WSB2: variants seen among roughly 807,000 people sequenced by gnomAD.
WSB2 encodes the protein WD repeat and SOCS box containing 2.
In WSB2, 12 loss-of-function variants were observed where a neutral mutation model predicts 48.8. The ratio of observed to expected loss-of-function variants is 0.25; its 90% confidence interval spans 0.16 to 0.40. WSB2 has a LOEUF of 0.40. WSB2 is among the 10% of genes least tolerant of loss of function. The pLI is 1.00. For missense variants in WSB2, 317 were observed against 506.2 expected (o/e 0.63, Z 3.59); for synonymous variants, 191 against 203.1 (o/e 0.94, Z 0.51).
chr12:118,059,419 G>A (rs901811569), intron 1 of WSB2, among the ~76,000 whole-genome samples: 2 of 152,080 alleles, frequency 1.3e-5, no homozygotes, highest in African/African-American at 4.8e-5. Context: ...CATAGTAGAC[G>A]TTCAACAAAT....
chr12:118,055,726 T>C (rs916615945), intron 1 of WSB2, among the ~76,000 whole-genome samples: 1 of 150,218 alleles, frequency 6.7e-6, no homozygotes, highest in Non-Finnish European at 1.5e-5. Flanking sequence ...GAAATTCTTA[T>C]GCCTCAGCCT....
Position 118,034,574 on chromosome 12 carries a change from G to GCTCTCT in WSB2, c.1053-222_1053-217dup, listed in dbSNP as rs368693869. 1,926 of 529,474 alleles carry GCTCTCT rather than the reference G, an allele frequency of 3.6e-3. 25 individuals are homozygous for GCTCTCT. The highest frequency in any genetic ancestry group is 0.033 in the African/African-American group (1,718 of 51,858). 32.8% of individuals were successfully genotyped at this position (529,474 alleles called of 1,614,324 possible). A position where few individuals can be genotyped will look rare whatever the true frequency, so the allele number is the denominator to read the frequency against. ...CTCAAGACACCTGTGATACCAAAGC[G>GCTCTCT]CTCTCTCTGTCTCTCTCTCGGCACA... On this transcript the variant is annotated intron_variant, in intron 8 of 8. Coordinates refer to ENST00000315436, the MANE Select transcript of WSB2 (RefSeq NM_018639.5).
chr12:118,043,407 C>A, intron 2 of WSB2, 30 bp from the exon 3 acceptor site: 1 of 1,522,146 alleles, frequency 6.6e-7, no homozygotes, highest in South Asian at 1.3e-5. Context: ...CTTAATGAAT[C>A]TGCAATTGTT....
At chr12:118,048,599 G>A (rs1370413585) in intron 2 of WSB2, among the ~76,000 whole-genome samples, 1 of 149,620 alleles carries the variant, frequency 6.7e-6, no homozygotes, top group Non-Finnish European at 1.5e-5. Context: ...AAAAAAAAAT[G>A]TGATTTTTCT....
chr12:118,053,169 G>T (rs985808226), intron 1 of WSB2, among the ~76,000 whole-genome samples: 1 of 151,908 alleles, frequency 6.6e-6, no homozygotes, highest in Non-Finnish European at 1.5e-5. Flanking sequence ...GAAAGCTCCC[G>T]CCTGCCTACA....
intron 2 of WSB2, 98 bp downstream of exon 2, chr12:118,052,211 GC>G (rs1172966350): frequency 5.5e-6 from 8 of 1,467,438 alleles, no homozygotes; most frequent in Non-Finnish European, 7.3e-6. Flanking sequence ...TGAACCATGA[GC>G]CACCTTCCCT....
At position 118,061,128 on chromosome 12, in the gene WSB2, C is replaced by A; in HGVS notation, c.-80G>T. 1 of 980,870 alleles carries A rather than the reference C, an allele frequency of 1.0e-6. No individual in the cohort carries two copies. Among genetic ancestry groups the A allele is most frequent in the South Asian group, 4.6e-5 (1 of 21,882 alleles). 60.8% of individuals were successfully genotyped at this position (980,870 alleles called of 1,614,324 possible). On this transcript the variant is annotated 5_prime_UTR_variant, in exon 1 of 9. Coordinates refer to ENST00000315436, the MANE Select transcript of WSB2 (RefSeq NM_018639.5). The stretch of plus-strand genomic sequence containing the variant: ...GCGGGCCCTCATGCCGCCCCCGCGC[C>A]GCCCGCCCCGGCCAGGCCGCCGCCG...
At chr12:118,034,859 A>G in intron 8 of WSB2, 127 bp downstream of exon 8, 2 of 809,108 alleles carry the variant, frequency 2.5e-6, no homozygotes, top group Non-Finnish European at 3.9e-6. Context: ...TGAGTTTTAT[A>G]TAATCTTGAA....
intron 2 of WSB2, among the ~76,000 whole-genome samples, chr12:118,051,177 T>TA (rs1269500513): frequency 6.6e-6 from 1 of 151,792 alleles, no homozygotes; most frequent in Non-Finnish European, 1.5e-5. Context: ...GCTAGGATAA[T>TA]AAAAAAAGAC....
chr12:118,035,603 G>A, intron 6 of WSB2: 1 of 363,332 alleles, frequency 2.8e-6, no homozygotes, highest in Non-Finnish European at 5.0e-6. Flanking sequence ...AGTAGAAACT[G>A]CAAGTCTTTT....
intron 2 of WSB2, among the ~76,000 whole-genome samples, chr12:118,051,783 G>T (rs911855537): frequency 1.3e-5 from 2 of 152,206 alleles, no homozygotes. Flanking sequence ...AGACCAGCCT[G>T]GCCAACATGG....
At chr12:118,039,743 T>A (rs943178968) in intron 4 of WSB2, among the ~76,000 whole-genome samples, 22 of 151,886 alleles carry the variant, frequency 1.4e-4, no homozygotes, top group Admixed American at 2.6e-4. Flanking sequence ...ATTTCTTTTT[T>A]ATTTTTTTTT....
chr12:118,052,482 G>A lies in WSB2; in HGVS notation c.14-4C>T. The A allele has an allele frequency of 6.2e-7, 1 of 1,613,796 alleles. No individual in the cohort carries two copies. Among genetic ancestry groups the A allele is most frequent in the Non-Finnish European group, 8.5e-7 (1 of 1,179,972 alleles). Reference sequence around the variant, plus strand: ...TCGGCCAGCAGCAGCGGTTCCTCTGGGGCAGGAGACAACATGCTTCAAACA... The same window carrying A: ...TCGGCCAGCAGCAGCGGTTCCTCTGAGGCAGGAGACAACATGCTTCAAACA... On this transcript the variant is annotated splice_polypyrimidine_tract_variant and splice_region_variant and intron_variant, in intron 1 of 8. Transcript: ENST00000315436.
intron 6 of WSB2, 103 bp downstream of exon 6, chr12:118,036,235 G>A: frequency 2.9e-6 from 4 of 1,357,440 alleles, no homozygotes; most frequent in Non-Finnish European, 4.1e-6. Flanking sequence ...TATCCAGCTT[G>A]TCCCCTCCCA....
chr12:118,039,368 A>G (rs1398072195), intron 4 of WSB2, among the ~76,000 whole-genome samples: 2 of 152,170 alleles, frequency 1.3e-5, no homozygotes, highest in Admixed American at 1.3e-4. Flanking sequence ...ATGCAGTTGG[A>G]ATTAGAGAGA....
At chr12:118,050,829 A>C (rs1182121131) in intron 2 of WSB2, among the ~76,000 whole-genome samples, 1 of 152,152 alleles carries the variant, frequency 6.6e-6, no homozygotes, top group Non-Finnish European at 1.5e-5. Flanking sequence ...AGGCAGGTGG[A>C]TCACCTGAGG....
intron 4 of WSB2, among the ~76,000 whole-genome samples, chr12:118,040,858 GCCAACGTGGTGAAAC>G (rs1317663749): frequency 6.6e-6 from 1 of 152,190 alleles, no homozygotes; most frequent in Non-Finnish European, 1.5e-5. Context: ...GACCAGCCTG[GCCAACGTGGTGAAAC>G]CCTGTCTCTA....
chr12:118,059,159 T>G (rs191393274), intron 1 of WSB2, among the ~76,000 whole-genome samples: 1 of 152,240 alleles, frequency 6.6e-6, no homozygotes, highest in Non-Finnish European at 1.5e-5. Context: ...AGAATTCAGA[T>G]GGGCTGTAAG....
In WSB2 at chr12:118,043,338, T is replaced by C; in HGVS notation, c.222A>G (p.Lys74=). 1 of 1,591,948 alleles carries C rather than the reference T, an allele frequency of 6.3e-7. No homozygotes were observed. Among genetic ancestry groups the C allele is most frequent in the Non-Finnish European group, 8.5e-7 (1 of 1,169,704 alleles). Residue 74 remains lysine, a synonymous_variant, in exon 3 of 9, where the codon AAA becomes AAG. Transcript: ENST00000315436. ...KGFEAKSRSS[K]NETKGRGSPK... is the part of the protein sequence containing the mutation. ...GGCTGCCCCGCCCTTTCGTCTCATT[T>C]TTGCTACTTCGGCTTTTGGCTTCAA... is the stretch of plus-strand genomic sequence containing the variant.
Sources: allele counts gnomAD v4.1 joint callset (sites outside exome capture counted in the v4.1 genomes callset), GRCh38; gene constraint gnomAD v4.1.1; transcripts MANE v1.5; gene names NCBI Gene and HGNC (gene_info 2026-07-23, HGNC 2026-07-21).